C13orf42: variants seen among roughly 807,000 people sequenced by gnomAD.
C13orf42 encodes the protein chromosome 13 open reading frame 42.
At chr13:51,141,095 G>GGTGT (rs3043870) in intron 1 of C13orf42, among the ~76,000 whole-genome samples, 10,971 of 128,384 alleles carry the variant, frequency 0.085, 488 homozygotes, top group East Asian at 0.17. Context: ...ATCGAAGGGA[G>GGTGT]GTGTGTGTGT....
intron 1 of C13orf42, among the ~76,000 whole-genome samples, chr13:51,157,032 A>T (rs58004754): frequency 6.6e-6 from 1 of 152,194 alleles, no homozygotes; most frequent in African/African-American, 2.4e-5. Context: ...GCATACATAA[A>T]GGGCACAAAT....
chr13:51,094,684 A>T (rs1193898695), intron 1 of C13orf42, among the ~76,000 whole-genome samples: 1 of 152,190 alleles, frequency 6.6e-6, no homozygotes, highest in African/African-American at 2.4e-5. Flanking sequence ...GAATTCTCAC[A>T]GTTTTTGCTT....
chr13:51,100,025 G>A (rs1015456523), intron 1 of C13orf42, among the ~76,000 whole-genome samples: 7 of 152,132 alleles, frequency 4.6e-5, no homozygotes, highest in African/African-American at 1.4e-4. Flanking sequence ...AATCCACTAA[G>A]AGAAGGAATG....
At chr13:51,086,033 G>C (rs542204624) in intron 2 of C13orf42, among the ~76,000 whole-genome samples, 2 of 151,614 alleles carry the variant, frequency 1.3e-5, no homozygotes, top group Admixed American at 1.3e-4. Context: ...AAGGCCAGGC[G>C]TGGTGGCTCA....
At chr13:51,097,964 A>G (rs1953252603) in intron 1 of C13orf42, among the ~76,000 whole-genome samples, 1 of 151,776 alleles carries the variant, frequency 6.6e-6, no homozygotes, top group South Asian at 2.1e-4. Flanking sequence ...TTAACCCTCC[A>G]TGGCCTTAGG....
At chr13:51,168,763 G>A (rs1167536338) in intron 1 of C13orf42, among the ~76,000 whole-genome samples, 1 of 152,202 alleles carries the variant, frequency 6.6e-6, no homozygotes, top group Non-Finnish European at 1.5e-5. Context: ...TCAGGTGGGA[G>A]GTGATTGGAT....
chr13:51,165,702 G>T (rs187371766), intron 1 of C13orf42, among the ~76,000 whole-genome samples: 46 of 152,312 alleles, frequency 3.0e-4, no homozygotes, highest in African/African-American at 1.0e-3. Flanking sequence ...AGCAACATGG[G>T]AGTACTGATC....
chr13:51,088,647 T>C (rs185647489), intron 1 of C13orf42, among the ~76,000 whole-genome samples: 24 of 152,222 alleles, frequency 1.6e-4, no homozygotes, highest in Middle Eastern at 3.4e-3. Context: ...TCTCAAAACA[T>C]CTCATGTACC....
intron 1 of C13orf42, among the ~76,000 whole-genome samples, chr13:51,129,012 G>GC (rs911747115): frequency 8.5e-5 from 13 of 152,270 alleles, no homozygotes; most frequent in Non-Finnish European, 1.5e-4. Flanking sequence ...CAGGCATACT[G>GC]CCCCCTAATG....
chr13:51,151,229 A>G lies in C13orf42; in HGVS notation n.136+21024T>C, dbSNP rs563993416. Among the ~76,000 whole-genome samples, 17 of 152,324 alleles carry G rather than the reference A, an allele frequency of 1.1e-4. No homozygotes were observed. The East Asian group carries it at 3.3e-3, about 29-fold the overall frequency. On this transcript the variant is annotated intron_variant and non_coding_transcript_variant, in intron 1 of 4. Coordinates refer to the C13orf42 transcript ENST00000433280. ...AGGTTAAGATGGGGGGATTTTCCAG[A>G]TTATCTTTCTTAAAAATGGAAGAGG...
intron 1 of C13orf42, among the ~76,000 whole-genome samples, chr13:51,132,435 CAAAAA>C (rs879606038): frequency 5.3e-5 from 7 of 132,270 alleles, no homozygotes; most frequent in African/African-American, 2.0e-4. Flanking sequence ...GTCTCAAAAA[CAAAAA>C]AAAAAAAGCA....
At chr13:51,142,300 A>T (rs1953701312) in intron 1 of C13orf42, among the ~76,000 whole-genome samples, 1 of 152,274 alleles carries the variant, frequency 6.6e-6, no homozygotes. Context: ...CCAGGAATAA[A>T]CAAGGATAGC....
upstream of C13orf42, among the ~76,000 whole-genome samples, chr13:51,114,896 A>G (rs188215839): frequency 4.3e-3 from 648 of 152,352 alleles, 6 homozygotes; most frequent in Non-Finnish European, 7.7e-3. Flanking sequence ...TCTTGTCAAA[A>G]AAGGAGGGAG....
intron 1 of C13orf42, among the ~76,000 whole-genome samples, chr13:51,088,620 T>C (rs761871035): frequency 1.3e-5 from 2 of 152,202 alleles, no homozygotes; most frequent in African/African-American, 2.4e-5. Context: ...ATGTGATTAT[T>C]TCACATTGCA....
intron 1 of C13orf42, among the ~76,000 whole-genome samples, chr13:51,163,828 G>A (rs1029183026): frequency 6.6e-6 from 1 of 152,078 alleles, no homozygotes; most frequent in Non-Finnish European, 1.5e-5. Context: ...GTCCCACTGG[G>A]GACACATAGA....
chr13:51,130,563 A>G (rs1175760243), intron 1 of C13orf42, among the ~76,000 whole-genome samples: 3 of 152,182 alleles, frequency 2.0e-5, no homozygotes, highest in Admixed American at 6.5e-5. Context: ...TACAATTTAA[A>G]GGTGATTAGG....
At chr13:51,139,822 C>G (rs1953683653) in intron 1 of C13orf42, among the ~76,000 whole-genome samples, 1 of 152,206 alleles carries the variant, frequency 6.6e-6, no homozygotes, top group Non-Finnish European at 1.5e-5. Flanking sequence ...AAATGAGCAA[C>G]CAGCAGCCCT....
intron 1 of C13orf42, among the ~76,000 whole-genome samples, chr13:51,170,337 C>A (rs763244840): frequency 6.6e-6 from 1 of 152,158 alleles, no homozygotes; most frequent in Non-Finnish European, 1.5e-5. Context: ...TGACTCGGAT[C>A]GGGGGACCTC....
chr13:51,166,279 CATGT>C lies in C13orf42; in HGVS notation n.136+5970_136+5973del, dbSNP rs1396066469. Among the ~76,000 whole-genome samples the C allele has an allele frequency of 5.9e-5, 9 of 151,674 alleles. No individual in the cohort carries two copies. The East Asian group carries it at 1.4e-3, about 23-fold the overall frequency. On this transcript the variant is annotated intron_variant and non_coding_transcript_variant, in intron 1 of 4. Coordinates refer to the C13orf42 transcript ENST00000433280. Reference sequence around the variant, plus strand: ...ATGCAGCCATAAAAAATGATGAGTTCATGTCCTTTGTAGGGACATGGATGAAATT... The same window carrying C: ...ATGCAGCCATAAAAAATGATGAGTTCCCTTTGTAGGGACATGGATGAAATT...
Sources: gnomAD v4.1 joint callset for allele counts (sites outside exome capture counted in the v4.1 genomes callset) on GRCh38, gnomAD v4.1.1 for gene constraint, MANE v1.5 for transcripts, NCBI Gene and HGNC (gene_info 2026-07-23, HGNC 2026-07-21) for gene names.